The following FBRSL1 variants were observed in gnomAD, a reference collection of about 807,000 sequenced individuals.
FBRSL1 encodes the protein fibrosin like 1.
FBRSL1 carries 51 observed loss-of-function variants against 89.6 expected under a neutral mutation model. The ratio of observed to expected loss-of-function variants is 0.57; its 90% CI spans 0.45 to 0.72. The LOEUF (loss-of-function observed/expected upper bound fraction) is 0.72. Among genes scored for constraint, FBRSL1 ranks in the 30% least tolerant of loss-of-function variants. The probability of loss-of-function intolerance (pLI) is 0.00; values close to 1 mark genes in which losing one functional copy is unlikely to be tolerated. For synonymous variants in FBRSL1, 779 were observed against 681.1 expected, an observed-to-expected ratio of 1.14 and a Z score of -2.24; for missense variants, 1,618 against 1,451.8, an observed-to-expected ratio of 1.11 and a Z score of -1.86.
intron 6 of FBRSL1, among the ~76,000 whole-genome samples, chr12:132,567,934 G>C (rs1275741055): frequency 6.6e-6 from 1 of 152,214 alleles, no homozygotes; most frequent in East Asian, 1.9e-4. Context: ...GCGCGCCTCT[G>C]TGGTGCAGTG....
At position 132,569,910 on chromosome 12, in the gene FBRSL1, C is replaced by G. The variant is rs758290549; in HGVS notation, c.692-16C>G. On this transcript the variant is annotated splice_polypyrimidine_tract_variant and intron_variant, in intron 6 of 18. Transcript: ENST00000680143. ...GAGGCCCTGCTGGTCTGAACGCAGCCACCCTCTCTCTGCAGGCCCAGCGCT... is the reference window on the plus strand; with the variant it reads ...GAGGCCCTGCTGGTCTGAACGCAGCGACCCTCTCTCTGCAGGCCCAGCGCT... 275 of 1,379,070 alleles carry G rather than the reference C, an allele frequency of 2.0e-4. No individual in the cohort carries two copies. Among genetic ancestry groups the G allele is most frequent in the Non-Finnish European group, 2.4e-4 (252 of 1,071,114 alleles). 85.4% of individuals were successfully genotyped at this position (1,379,070 alleles called of 1,614,324 possible).
At chr12:132,571,362 G>C in intron 9 of FBRSL1, 131 bp downstream of exon 9, 1 of 1,550,670 alleles carries the variant, frequency 6.4e-7, no homozygotes, top group Non-Finnish European at 8.7e-7. Flanking sequence ...AGAGCGCCGA[G>C]CGGCCTGGCG....
chr12:132,554,399 A>G (rs2038441510), intron 5 of FBRSL1: 1 of 152,274 alleles, frequency 6.6e-6, no homozygotes, highest in African/African-American at 2.4e-5. Context: ...AGCAGCCCAG[A>G]GTGGATTTGG....
rs530196211 is a variant in FBRSL1, at chr12:132,574,767, C to T, written c.1701+203C>T. 2.6e-4 allele frequency among the ~76,000 whole-genome samples: 39 copies of T among 152,140 alleles called. No homozygotes were observed. The South Asian group carries it at 2.7e-3, about 11-fold the overall frequency. ...AGGCCACAGGGCAGTGCTGGGTGCC[C>T]GGGTGCCGCAAGGCCCTCTCCTCGG... On this transcript the variant is annotated intron_variant, in intron 14 of 18. Transcript: ENST00000680143.
intron 1 of FBRSL1, among the ~76,000 whole-genome samples, chr12:132,506,728 C>G (rs1342840704): frequency 6.6e-6 from 1 of 152,268 alleles, no homozygotes; most frequent in Non-Finnish European, 1.5e-5. Context: ...CTGACAGATC[C>G]TGGGTGGGCG....
At chr12:132,569,889 C>G in intron 6 of FBRSL1, 37 bp from the exon 7 acceptor site, 8 of 1,338,280 alleles carry the variant, frequency 6.0e-6, no homozygotes, top group Non-Finnish European at 6.7e-6. Context: ...AGGGACGAGG[C>G]CCTGCTGGTC....
intron 16 of FBRSL1, 60 bp from the exon 17 acceptor site, chr12:132,581,681 C>G: frequency 6.6e-7 from 1 of 1,526,660 alleles, no homozygotes; most frequent in African/African-American, 1.4e-5. Context: ...CCCCACTGGG[C>G]CAGGTGGGAG....
At chr12:132,510,807 G>A in intron 2 of FBRSL1, 5 of 1,122,414 alleles carry the variant, frequency 4.5e-6, no homozygotes, top group Non-Finnish European at 5.4e-6. Context: ...AGCCCCTGAG[G>A]GCGGGGACCT....
At chr12:132,581,011 G>A (rs1040027357) in intron 15 of FBRSL1, 31 of 985,452 alleles carry the variant, frequency 3.1e-5, no homozygotes, top group East Asian at 1.1e-4. Flanking sequence ...AGACAGAACC[G>A]TGTCCATCCA....
At chr12:132,528,769 C>T (rs771941979) in intron 4 of FBRSL1, among the ~76,000 whole-genome samples, 1 of 151,344 alleles carries the variant, frequency 6.6e-6, no homozygotes, top group Non-Finnish European at 1.5e-5. Flanking sequence ...CAGGGTGTGC[C>T]CGGGGGAAGC....
At position 132,570,197 on chromosome 12, in the gene FBRSL1, C is replaced by T. The variant is rs994108857; in HGVS notation, c.963C>T (p.Phe321=). 2.4e-5 allele frequency: 36 copies of T among 1,505,276 alleles called. No individual in the cohort carries two copies. Among genetic ancestry groups the T allele is most frequent in the South Asian group, 1.2e-4 (10 of 80,540 alleles). 93.2% of individuals were successfully genotyped at this position (1,505,276 alleles called of 1,614,324 possible). A position where few individuals can be genotyped will look rare whatever the true frequency, so the allele number is the denominator to read the frequency against. ...PTHVPASLGA[F]AGHSQAAANG... is the part of the protein sequence containing the mutation. ...ACGTGCCTGCATCCCTGGGCGCCTTCGCGGGCCACAGCCAGGCGGCAGCCA... is the reference window on the plus strand; with the variant it reads ...ACGTGCCTGCATCCCTGGGCGCCTTTGCGGGCCACAGCCAGGCGGCAGCCA... Residue 321 remains phenylalanine, a synonymous_variant, in exon 7 of 19, where the codon TTC becomes TTT. Coordinates refer to ENST00000680143, the MANE Select transcript of FBRSL1 (RefSeq NM_001367871.1).
chr12:132,494,178 G>A (rs553284525), intron 1 of FBRSL1, among the ~76,000 whole-genome samples: 1 of 152,184 alleles, frequency 6.6e-6, no homozygotes. Flanking sequence ...GGGTGCTTGG[G>A]AACGTGGCTC....
chr12:132,536,450 G>A (rs1313412835), intron 4 of FBRSL1, among the ~76,000 whole-genome samples: 1 of 151,754 alleles, frequency 6.6e-6, no homozygotes, highest in African/African-American at 2.4e-5. Context: ...GACTGTGAGT[G>A]CATGTGTATA....
intron 5 of FBRSL1, among the ~76,000 whole-genome samples, chr12:132,564,227 G>A (rs1313026412): frequency 6.6e-6 from 1 of 152,206 alleles, no homozygotes; most frequent in Non-Finnish European, 1.5e-5. Context: ...CCCACACCAG[G>A]CCCCGGTGGA....
chr12:132,576,002 C>G (rs534562885), intron 14 of FBRSL1, among the ~76,000 whole-genome samples: 93 of 152,318 alleles, frequency 6.1e-4, no homozygotes, highest in African/African-American at 2.1e-3. Context: ...TCCACCCAAG[C>G]CTGGCCCTGC....
intron 4 of FBRSL1, among the ~76,000 whole-genome samples, chr12:132,536,951 G>GT (rs2137120309): frequency 6.6e-6 from 1 of 152,368 alleles, no homozygotes; most frequent in Non-Finnish European, 1.5e-5. Context: ...TGCCATGCCT[G>GT]TGTGGTAACG....
chr12:132,513,375 G>C (rs2034543744), intron 2 of FBRSL1, among the ~76,000 whole-genome samples: 1 of 152,144 alleles, frequency 6.6e-6, no homozygotes, highest in South Asian at 2.1e-4. Flanking sequence ...TGCTGTAGAG[G>C]GGGTGGGGGC....
At chr12:132,582,931 G>C (rs937207003) in intron 18 of FBRSL1, 40 bp from the exon 19 acceptor site, 1 of 1,350,794 alleles carries the variant, frequency 7.4e-7, no homozygotes, top group African/African-American at 1.6e-5. Flanking sequence ...GCGGCAGGAC[G>C]GAGGTCTCGG....
intron 5 of FBRSL1, chr12:132,551,415 G>C: frequency 4.4e-6 from 2 of 456,308 alleles, no homozygotes; most frequent in Non-Finnish European, 8.8e-6. Flanking sequence ...GCCGTGCAGG[G>C]AACAGCCCTG....
Sources: allele counts gnomAD v4.1 joint callset (sites outside exome capture counted in the v4.1 genomes callset), GRCh38; gene constraint gnomAD v4.1.1; transcripts MANE v1.5; gene names NCBI Gene and HGNC (gene_info 2026-07-23, HGNC 2026-07-21).